Variants in TTC27 observed in about 807,000 individuals in gnomAD.
TTC27 encodes tetratricopeptide repeat domain 27, also known as tetratricopeptide repeat protein 27.
In TTC27, 79 loss-of-function variants were observed where a neutral mutation model predicts 115.9. The ratio of observed to expected loss-of-function variants is 0.68; its 90% CI spans 0.57 to 0.82. The LOEUF (loss-of-function observed/expected upper bound fraction) is 0.82. Ranked by LOEUF, TTC27 falls within the 40% of genes least tolerant of loss-of-function variation. The pLI is 0.00. For synonymous variants in TTC27, 401 were observed against 356.0 expected, an observed-to-expected ratio of 1.13 and a Z score of -1.42; for missense variants, 1,054 against 993.1, an observed-to-expected ratio of 1.06 and a Z score of -0.82.
chr2:32,708,098 A>G (rs1667439541), intron 10 of TTC27, among the ~76,000 whole-genome samples: 1 of 152,088 alleles, frequency 6.6e-6, no homozygotes, highest in Admixed American at 6.6e-5. Context: ...GCTTTGAACT[A>G]TACAGGTTCG....
chr2:32,648,763 C>T (rs957032677), intron 4 of TTC27, among the ~76,000 whole-genome samples: 2 of 152,102 alleles, frequency 1.3e-5, no homozygotes, highest in African/African-American at 2.4e-5. Flanking sequence ...GTAATCCCAG[C>T]ACTTTGGGAG....
At chr2:32,723,779 T>TTCCTTCCTTCC (rs1668017989) in intron 10 of TTC27, among the ~76,000 whole-genome samples, 21 of 53,540 alleles carry the variant, frequency 3.9e-4, no homozygotes, top group South Asian at 1.9e-3. Context: ...TCCTTCCTTC[T>TTCCTTCCTTCC]CTCCCTCCCT....
At chr2:32,802,118 G>GA (rs11406621) in intron 16 of TTC27, among the ~76,000 whole-genome samples, 9,357 of 146,206 alleles carry the variant, frequency 0.064, 536 homozygotes, top group African/African-American at 0.15. Flanking sequence ...GAACCCCAAG[G>GA]AAAAAAAAAA....
At chr2:32,687,129 C>G (rs1666659745) in intron 9 of TTC27, among the ~76,000 whole-genome samples, 1 of 152,178 alleles carries the variant, frequency 6.6e-6, no homozygotes, top group South Asian at 2.1e-4. Flanking sequence ...CAGGCATGAG[C>G]CACTGCACCT....
chr2:32,643,734 A>G (rs1180787101), intron 4 of TTC27, among the ~76,000 whole-genome samples: 3 of 152,162 alleles, frequency 2.0e-5, no homozygotes, highest in Middle Eastern at 3.2e-3. Flanking sequence ...AGTTTTCTTC[A>G]TCAAGAATAT....
chr2:32,638,409 C>T (rs546416510), intron 3 of TTC27, among the ~76,000 whole-genome samples: 3 of 152,220 alleles, frequency 2.0e-5, no homozygotes, highest in East Asian at 3.9e-4. Flanking sequence ...AAGGCAGTCT[C>T]GCTCTGTCGC....
intron 11 of TTC27, among the ~76,000 whole-genome samples, chr2:32,734,515 C>G (rs556628685): frequency 6.6e-6 from 1 of 152,224 alleles, no homozygotes; most frequent in Non-Finnish European, 1.5e-5. Context: ...CTACTCTCCT[C>G]TTTCTGAGGC....
intron 6 of TTC27, among the ~76,000 whole-genome samples, chr2:32,665,501 T>A (rs1362613449): frequency 6.6e-6 from 1 of 152,242 alleles, no homozygotes; most frequent in Non-Finnish European, 1.5e-5. Flanking sequence ...ATATTTTGTT[T>A]TCTAAGTTAG....
chr2:32,780,185 G>T, intron 14 of TTC27: 2 of 411,004 alleles, frequency 4.9e-6, no homozygotes, highest in South Asian at 1.8e-5. Context: ...TTTTCCTATG[G>T]GATTTTTAGC....
At chr2:32,704,944 A>G (rs113779932) in intron 10 of TTC27, 36 of 470,910 alleles carry the variant, frequency 7.6e-5, no homozygotes, top group African/African-American at 6.2e-4. Context: ...TTTCTCCCCA[A>G]GTAAAGTTAC....
At chr2:32,741,667 A>AAACAAC (rs148675968) in intron 12 of TTC27, among the ~76,000 whole-genome samples, 29,532 of 146,034 alleles carry the variant, frequency 0.2, 3,401 homozygotes, top group South Asian at 0.39. Flanking sequence ...ACAAAAAACA[A>AAACAAC]AACAACAACA....
chr2:32,704,563 A>G (rs772136502), intron 10 of TTC27, among the ~76,000 whole-genome samples: 2 of 152,184 alleles, frequency 1.3e-5, no homozygotes, highest in African/African-American at 4.8e-5. Context: ...ATTCCCATAT[A>G]GCCTTCACCG....
intron 10 of TTC27, among the ~76,000 whole-genome samples, chr2:32,716,657 A>T (rs758944024): frequency 6.6e-6 from 1 of 151,258 alleles, no homozygotes; most frequent in South Asian, 2.1e-4. Flanking sequence ...TCTATATTCT[A>T]TTGGGTAATT....
intron 15 of TTC27, among the ~76,000 whole-genome samples, chr2:32,785,530 T>C (rs991065188): frequency 9.8e-5 from 15 of 152,286 alleles, no homozygotes; most frequent in African/African-American, 3.1e-4. Context: ...TACTATTATC[T>C]TCCAATGCAT....
intron 14 of TTC27, among the ~76,000 whole-genome samples, chr2:32,778,913 G>A (rs1670083338): frequency 6.6e-6 from 1 of 152,136 alleles, no homozygotes; most frequent in Admixed American, 6.6e-5. Context: ...TTGAGGATCT[G>A]CCAGACTGTT....
chr2:32,652,223 T>C (rs1483208903), intron 5 of TTC27, among the ~76,000 whole-genome samples: 1 of 151,956 alleles, frequency 6.6e-6, no homozygotes, highest in Non-Finnish European at 1.5e-5. Context: ...ATACAAAAAT[T>C]AGCTGGGCAT....
chr2:32,708,774 A>G (rs1667472821), intron 10 of TTC27, among the ~76,000 whole-genome samples: 1 of 152,058 alleles, frequency 6.6e-6, no homozygotes. Flanking sequence ...TAAGTGGAAA[A>G]GGGGGATGAG....
At chr2:32,774,356 G>A (rs1669928360) in intron 13 of TTC27, among the ~76,000 whole-genome samples, 1 of 151,966 alleles carries the variant, frequency 6.6e-6, no homozygotes, top group African/African-American at 2.4e-5. Context: ...TGTATCTTTA[G>A]TAGAGACAGG....
chr2:32,820,703 T>A, intron 19 of TTC27, 113 bp from the exon 20 acceptor site: 1 of 963,906 alleles, frequency 1.0e-6, no homozygotes, highest in Non-Finnish European at 1.4e-6. Context: ...ATTGCTATTA[T>A]AATTGTATAG....
Sources: gnomAD v4.1 joint callset for allele counts (sites outside exome capture counted in the v4.1 genomes callset) on GRCh38, gnomAD v4.1.1 for gene constraint, MANE v1.5 for transcripts, NCBI Gene and HGNC (gene_info 2026-07-23, HGNC 2026-07-21) for gene names.